CAMKMT: variants seen among roughly 807,000 people sequenced by gnomAD.
The protein encoded by CAMKMT is calmodulin-lysine N-methyltransferase, also known as CaM KMT.
Under a neutral mutation model 48.0 loss-of-function variants are expected in CAMKMT, and 53 were observed. That is an observed-to-expected ratio of 1.10 (90% confidence interval 0.89 to 1.39). The LOEUF is 1.39. Among genes scored for constraint, CAMKMT ranks in the 40% most tolerant of loss-of-function variants. CAMKMT has a pLI of 0.00. For missense variants in CAMKMT, 428 were observed against 402.7 expected, an observed-to-expected ratio of 1.06 and a Z score of -0.54; for synonymous variants, 165 against 152.3, an observed-to-expected ratio of 1.08 and a Z score of -0.61.
chr2:44,485,505 T>G (rs976810891), intron 3 of CAMKMT, among the ~76,000 whole-genome samples: 2 of 152,178 alleles, frequency 1.3e-5, no homozygotes, highest in Admixed American at 6.5e-5. Flanking sequence ...AAATGTGTCC[T>G]TAGGCAATTT....
chr2:44,593,696 G>C (rs1670459530), intron 3 of CAMKMT, among the ~76,000 whole-genome samples: 1 of 150,792 alleles, frequency 6.6e-6, no homozygotes, highest in Admixed American at 6.6e-5. Flanking sequence ...AGTAAATCTA[G>C]TCACTGTTGC....
intron 3 of CAMKMT, among the ~76,000 whole-genome samples, chr2:44,513,174 G>A (rs1670653659): frequency 6.6e-6 from 1 of 152,056 alleles, no homozygotes; most frequent in Non-Finnish European, 1.5e-5. Flanking sequence ...GCTCTTCTGT[G>A]TGGCCTACTG....
chr2:44,636,178 A>G (rs1395123658), intron 3 of CAMKMT, among the ~76,000 whole-genome samples: 3 of 152,218 alleles, frequency 2.0e-5, no homozygotes, highest in African/African-American at 4.8e-5. Context: ...GGGGCACACT[A>G]TCCAAAAAGC....
intron 3 of CAMKMT, among the ~76,000 whole-genome samples, chr2:44,643,513 AAGATG>A: frequency 6.6e-6 from 1 of 152,332 alleles, no homozygotes. Flanking sequence ...TAGATCGGTA[AAGATG>A]AGATGAGTTT....
At chr2:44,687,675 C>A (rs770082114) in intron 3 of CAMKMT, among the ~76,000 whole-genome samples, 4 of 152,208 alleles carry the variant, frequency 2.6e-5, no homozygotes, top group Non-Finnish European at 4.4e-5. Flanking sequence ...TCAAATATGT[C>A]AGACACATCT....
intron 3 of CAMKMT, among the ~76,000 whole-genome samples, chr2:44,621,224 A>T (rs1404357994): frequency 6.9e-6 from 1 of 144,270 alleles, no homozygotes; most frequent in Non-Finnish European, 1.5e-5. Flanking sequence ...ACGAGATCGC[A>T]CCACTGCACT....
chr2:44,664,799 T>G (rs1324516689), intron 3 of CAMKMT, among the ~76,000 whole-genome samples: 3 of 152,082 alleles, frequency 2.0e-5, no homozygotes, highest in Non-Finnish European at 4.4e-5. Flanking sequence ...CTGAAAGGGT[T>G]TTAAAGGAGA....
intron 3 of CAMKMT, among the ~76,000 whole-genome samples, chr2:44,520,560 T>G (rs915840272): frequency 5.9e-5 from 9 of 152,332 alleles, no homozygotes; most frequent in Non-Finnish European, 1.2e-4. Context: ...TACCTGCTCC[T>G]CTTATTTCAA....
intron 2 of CAMKMT, among the ~76,000 whole-genome samples, chr2:44,388,174 C>A (rs1207104716): frequency 1.3e-5 from 2 of 151,994 alleles, no homozygotes; most frequent in Non-Finnish European, 1.5e-5. Flanking sequence ...TAACATAATC[C>A]CAGACTTCTT....
rs1044626810 is a variant in CAMKMT, at chr2:44,423,893, A to G, written c.376+33588A>G. Among the ~76,000 whole-genome samples the G allele has an allele frequency of 3.3e-5, 5 of 152,184 alleles. No homozygotes were observed. In the East Asian group the frequency reaches 9.6e-4, roughly 29 times the overall value. On this transcript the variant is annotated intron_variant, in intron 3 of 10. Transcript: ENST00000378494. ...CAGTTATTTCCATATTTCTTTAAAA[A>G]TATGTTTATCATGGTATTTCTTGAT...
chr2:44,417,860 ATGTC>A (rs1683664589), intron 3 of CAMKMT, among the ~76,000 whole-genome samples: 3 of 152,138 alleles, frequency 2.0e-5, no homozygotes, highest in Non-Finnish European at 4.4e-5. Context: ...TGTGAAGTGT[ATGTC>A]AAATGTTTTG....
chr2:44,614,245 G>C (rs1458789601), intron 3 of CAMKMT, among the ~76,000 whole-genome samples: 3 of 152,198 alleles, frequency 2.0e-5, no homozygotes, highest in African/African-American at 7.2e-5. Context: ...CAGGGGAAGA[G>C]AGAGATGGGT....
chr2:44,705,877 T>C (rs1461430989), intron 4 of CAMKMT, among the ~76,000 whole-genome samples: 1 of 152,212 alleles, frequency 6.6e-6, no homozygotes, highest in Non-Finnish European at 1.5e-5. Context: ...CACACTCATA[T>C]ATATTCTTCA....
intron 3 of CAMKMT, among the ~76,000 whole-genome samples, chr2:44,581,863 G>A (rs1364583858): frequency 6.6e-6 from 1 of 152,208 alleles, no homozygotes; most frequent in Non-Finnish European, 1.5e-5. Flanking sequence ...GCCAGGCGTG[G>A]TGCCGCGCGC....
At chr2:44,515,341 A>T (rs146972670) in intron 3 of CAMKMT, among the ~76,000 whole-genome samples, 53 of 152,278 alleles carry the variant, frequency 3.5e-4, no homozygotes, top group African/African-American at 1.3e-3. Context: ...GGATTTGGGT[A>T]TAAAGGGACT....
rs541666643 is a variant in CAMKMT, at chr2:44,422,878, T to C, written c.376+32573T>C. On this transcript the variant is annotated intron_variant, in intron 3 of 10. Transcript: ENST00000378494. ...TGAAGAGATACATAGAACCAGTGAA[T>C]TCTCTGGGTTATCAGCTCATGGCTT... Among the ~76,000 whole-genome samples the C allele has an allele frequency of 2.0e-5, 3 of 152,162 alleles. No homozygotes were observed. In the South Asian group the frequency reaches 6.2e-4, roughly 32 times the overall value.
chr2:44,713,525 A>G (rs1226584960), intron 6 of CAMKMT, among the ~76,000 whole-genome samples: 1 of 152,208 alleles, frequency 6.6e-6, no homozygotes, highest in Non-Finnish European at 1.5e-5. Context: ...TGAAATAGAC[A>G]GAACTGTAGG....
At chr2:44,704,255 A>C in intron 3 of CAMKMT, 28 bp from the exon 4 acceptor site, 3 of 1,589,610 alleles carry the variant, frequency 1.9e-6, no homozygotes, top group South Asian at 1.2e-5. Flanking sequence ...TTCTATAATC[A>C]AAAGGTTTAT....
intron 3 of CAMKMT, among the ~76,000 whole-genome samples, chr2:44,616,663 C>T (rs1174925136): frequency 2.6e-5 from 4 of 152,094 alleles, no homozygotes; most frequent in African/African-American, 9.7e-5. Context: ...AACTGAGTCA[C>T]CTCATCCCAG....
Sources: gnomAD v4.1 joint callset for allele counts (sites outside exome capture counted in the v4.1 genomes callset) on GRCh38, gnomAD v4.1.1 for gene constraint, MANE v1.5 for transcripts, NCBI Gene and HGNC (gene_info 2026-07-23, HGNC 2026-07-21) for gene names.